Variants in SCN11A observed in about 807,000 individuals in gnomAD.
SCN11A encodes the protein sodium voltage-gated channel alpha subunit 11.
In SCN11A, 122 loss-of-function variants were observed where a neutral mutation model predicts 162.2. The ratio of observed to expected loss-of-function variants is 0.75; its 90% confidence interval spans 0.65 to 0.87. The LOEUF is 0.87. SCN11A is among the 40% of genes least tolerant of loss of function. The probability of loss-of-function intolerance (pLI) is 0.00; values close to 1 mark genes in which losing one functional copy is unlikely to be tolerated. For synonymous variants in SCN11A, 758 were observed against 751.5 expected (o/e 1.01, Z -0.14); for missense variants, 2,015 against 2,181.6 (o/e 0.92, Z 1.52).
At chr3:38,919,349 T>G (rs2066009544) in intron 11 of SCN11A, among the ~76,000 whole-genome samples, 1 of 152,216 alleles carries the variant, frequency 6.6e-6, no homozygotes, top group South Asian at 2.1e-4. Flanking sequence ...TTCATCAGAG[T>G]ACCTTGCATA....
At chr3:38,886,286 C>G (rs769620668) in intron 19 of SCN11A, 48 bp from the exon 20 acceptor site, 4 of 1,262,542 alleles carry the variant, frequency 3.2e-6, no homozygotes, top group Non-Finnish European at 4.5e-6. Flanking sequence ...CTGGACATGT[C>G]ACTTAAGATG....
Position 38,894,525 on chromosome 3 carries a change from C to T in SCN11A, c.2835+8G>A, listed in dbSNP as rs2065554013. The T allele has an allele frequency of 1.3e-6, 2 of 1,590,446 alleles. No homozygotes were observed. Among genetic ancestry groups the T allele is most frequent in the Non-Finnish European group, 1.7e-6 (2 of 1,168,818 alleles). ...ATGACCTTTAAGTCTATGTGTGAAC[C>T]TTCATACCTGTTGTTCAGGCTCAGG... On this transcript the variant is annotated splice_region_variant and intron_variant, in intron 19 of 29. Coordinates refer to ENST00000302328, the MANE Select transcript of SCN11A (RefSeq NM_001349253.2).
chr3:39,001,065 G>A (rs776322050), intron 2 of SCN11A, among the ~76,000 whole-genome samples: 12 of 152,090 alleles, frequency 7.9e-5, no homozygotes, highest in Non-Finnish European at 1.2e-4. Flanking sequence ...CAAAATCCAC[G>A]ATTATGCCAA....
chr3:38,978,020 T>C (rs74937844), intron 2 of SCN11A, among the ~76,000 whole-genome samples: 8,035 of 152,310 alleles, frequency 0.053, 248 homozygotes, highest in Middle Eastern at 0.075. Flanking sequence ...TTGTCTATGA[T>C]GTGCCAAGCA....
At chr3:38,917,330 A>G (rs971600690) in intron 11 of SCN11A, among the ~76,000 whole-genome samples, 4 of 152,252 alleles carry the variant, frequency 2.6e-5, no homozygotes, top group African/African-American at 9.6e-5. Flanking sequence ...ACCCAAAGGA[A>G]TATAAATCAT....
chr3:38,926,816 C>A lies in SCN11A; in HGVS notation c.604G>T (p.Val202Phe). The change falls in exon 8 of 30, where the codon GTC (valine) becomes TTC (phenylalanine). Residue 202 changes from valine (V) to phenylalanine (F), a missense_variant. Val to Phe is a conservative substitution (Grantham distance 50). Coordinates refer to ENST00000302328, the MANE Select transcript of SCN11A (RefSeq NM_001349253.2). ...TAATATTCTTACGCTATTCCAATGA[C>A]AATGGAGTCCAGCCAGTTCCATGGA... The part of the protein sequence containing the change: ...RDPWNWLDSI[V>F]IGIAIVSYIP... 3 of 1,613,858 alleles carry A rather than the reference C, an allele frequency of 1.9e-6. No individual in the cohort carries two copies. The highest frequency in any genetic ancestry group is 2.5e-6 in the Non-Finnish European group (3 of 1,179,818).
intron 7 of SCN11A, among the ~76,000 whole-genome samples, chr3:38,935,424 T>C (rs961451982): frequency 1.3e-5 from 2 of 151,950 alleles, no homozygotes; most frequent in African/African-American, 4.8e-5. Flanking sequence ...TTCAAAAAAT[T>C]AATGAATCCA....
intron 2 of SCN11A, among the ~76,000 whole-genome samples, chr3:39,004,298 T>G (rs1647266586): frequency 1.3e-5 from 2 of 152,300 alleles, no homozygotes; most frequent in South Asian, 2.1e-4. Context: ...CAATCCTTAC[T>G]TTTGTCAGCT....
chr3:39,024,942 A>G (rs1180607456), intron 2 of SCN11A, among the ~76,000 whole-genome samples: 1 of 152,206 alleles, frequency 6.6e-6, no homozygotes, highest in Non-Finnish European at 1.5e-5. Flanking sequence ...CTGTATATAC[A>G]CATTACATAA....
At chr3:38,934,964 C>A (rs987424037) in intron 7 of SCN11A, among the ~76,000 whole-genome samples, 5 of 151,268 alleles carry the variant, frequency 3.3e-5, no homozygotes, top group Non-Finnish European at 7.4e-5. Flanking sequence ...CCAAAATTGA[C>A]CACATAGTTG....
At chr3:38,880,218 A>C (rs2065286999) in intron 22 of SCN11A, 95 bp from the exon 23 acceptor site, 3 of 822,958 alleles carry the variant, frequency 3.6e-6, no homozygotes, top group African/African-American at 1.7e-5. Flanking sequence ...ATATGAATAA[A>C]AACTGGTATC....
intron 2 of SCN11A, among the ~76,000 whole-genome samples, chr3:39,016,381 A>AG (rs1197587667): frequency 1.3e-5 from 2 of 152,196 alleles, no homozygotes; most frequent in Admixed American, 6.5e-5. Flanking sequence ...TGTCAGCTCA[A>AG]GCATGTGCAT....
At chr3:39,050,310 A>C (rs1477664016) in intron 1 of SCN11A, among the ~76,000 whole-genome samples, 1 of 152,142 alleles carries the variant, frequency 6.6e-6, no homozygotes. Flanking sequence ...TCTTACAATC[A>C]TCTTTCTTCA....
At chr3:38,867,774 A>T (rs1435322185) in intron 26 of SCN11A, among the ~76,000 whole-genome samples, 2 of 152,094 alleles carry the variant, frequency 1.3e-5, no homozygotes, top group East Asian at 3.9e-4. Flanking sequence ...ATCCATATGG[A>T]ATGTCCATAT....
intron 2 of SCN11A, among the ~76,000 whole-genome samples, chr3:38,975,514 A>C (rs1041680584): frequency 6.6e-6 from 1 of 152,242 alleles, no homozygotes; most frequent in Non-Finnish European, 1.5e-5. Flanking sequence ...CTAATTCAGC[A>C]GGATTAATAT....
intron 2 of SCN11A, among the ~76,000 whole-genome samples, chr3:38,976,941 A>G (rs867655367): frequency 2.0e-5 from 3 of 152,222 alleles, no homozygotes; most frequent in Non-Finnish European, 2.9e-5. Flanking sequence ...ATTTATTATT[A>G]TATGTAGAAT....
At chr3:38,950,837 G>C (rs528649702) in intron 4 of SCN11A, among the ~76,000 whole-genome samples, 2 of 152,384 alleles carry the variant, frequency 1.3e-5, no homozygotes, top group South Asian at 4.1e-4. Context: ...GAAAGTGCAT[G>C]GGTCTTTTCT....
intron 2 of SCN11A, among the ~76,000 whole-genome samples, chr3:38,998,591 TAA>T (rs1402507798): frequency 6.6e-6 from 1 of 152,158 alleles, no homozygotes; most frequent in African/African-American, 2.4e-5. Flanking sequence ...CATACTGCTA[TAA>T]AGACACATGC....
intron 1 of SCN11A, among the ~76,000 whole-genome samples, chr3:39,049,188 C>T (rs950544008): frequency 2.0e-5 from 3 of 152,226 alleles, no homozygotes; most frequent in Non-Finnish European, 4.4e-5. Flanking sequence ...CTGCATCCTA[C>T]AGGACAGTAT....
Sources: gnomAD v4.1 joint callset for allele counts (sites outside exome capture counted in the v4.1 genomes callset) on GRCh38, gnomAD v4.1.1 for gene constraint, MANE v1.5 for transcripts, NCBI Gene and HGNC (gene_info 2026-07-23, HGNC 2026-07-21) for gene names.